The following PRKD1 variants were observed in gnomAD, a reference collection of about 807,000 sequenced individuals.
The protein encoded by PRKD1 is serine/threonine-protein kinase D1.
PRKD1 carries 63 observed loss-of-function variants against 95.9 expected under a neutral mutation model. The observed-to-expected ratio is 0.66, with a 90% confidence interval of 0.54 to 0.81. The LOEUF is 0.81. Among genes scored for constraint, PRKD1 ranks in the 30% least tolerant of loss-of-function variants. The pLI is 0.00. For synonymous variants in PRKD1, 425 were observed against 423.1 expected (o/e 1.00, Z -0.05); for missense variants, 1,048 against 1,165.3 (o/e 0.90, Z 1.47).
intron 1 of PRKD1, among the ~76,000 whole-genome samples, chr14:29,926,886 G>A (rs542456865): frequency 1.3e-5 from 2 of 152,104 alleles, no homozygotes; most frequent in South Asian, 2.1e-4. Context: ...CGCTGGTCCA[G>A]GGTCCGTAGG....
intron 3 of PRKD1, among the ~76,000 whole-genome samples, chr14:29,665,573 T>C (rs1882442475): frequency 1.3e-5 from 2 of 152,318 alleles, no homozygotes; most frequent in African/African-American, 2.4e-5. Context: ...TTCTTTTTCA[T>C]GGCTGAGTAG....
chr14:29,873,985 T>C (rs1330874131), intron 1 of PRKD1, among the ~76,000 whole-genome samples: 3 of 152,296 alleles, frequency 2.0e-5, no homozygotes, highest in South Asian at 4.1e-4. Flanking sequence ...CAAATCTATG[T>C]TGTCATTTTA....
chr14:29,842,277 T>C (rs979324264), intron 1 of PRKD1, among the ~76,000 whole-genome samples: 1 of 152,188 alleles, frequency 6.6e-6, no homozygotes, highest in Non-Finnish European at 1.5e-5. Flanking sequence ...AATATACTAG[T>C]TTATTATCAT....
intron 2 of PRKD1, among the ~76,000 whole-genome samples, chr14:29,670,342 G>C (rs1158462849): frequency 6.6e-6 from 1 of 152,144 alleles, no homozygotes; most frequent in Non-Finnish European, 1.5e-5. Context: ...ACAAAGGGTG[G>C]CTAAGTCTGT....
chr14:29,644,045 A>G (rs1880971151), intron 4 of PRKD1, among the ~76,000 whole-genome samples: 1 of 152,240 alleles, frequency 6.6e-6, no homozygotes, highest in Non-Finnish European at 1.5e-5. Flanking sequence ...AGTCCGTGAC[A>G]AACAGTAAGC....
At chr14:29,728,820 TA>T (rs1886297340) in intron 1 of PRKD1, among the ~76,000 whole-genome samples, 1 of 152,166 alleles carries the variant, frequency 6.6e-6, no homozygotes, top group African/African-American at 2.4e-5. Context: ...GGTCATATGA[TA>T]AATTCATGTT....
chr14:29,703,940 T>C lies in PRKD1; in HGVS notation c.403+21596A>G, dbSNP rs1338999898. On this transcript the variant is annotated intron_variant, in intron 2 of 17. Transcript: ENST00000331968. ...TTGTTTGTATTCTGAAGTAAAAACA[T>C]CAGAGTGGGCAAGCCAGTGCTTTCA... is the stretch of plus-strand genomic sequence containing the variant. Among the ~76,000 whole-genome samples the C allele has an allele frequency of 3.9e-5, 6 of 152,094 alleles. 1 individual carries two copies. Among genetic ancestry groups the C allele is most frequent in the African/African-American group, 1.4e-4 (6 of 41,418 alleles).
Position 29,721,623 on chromosome 14 carries a change from T to G in PRKD1, c.403+3913A>C, listed in dbSNP as rs45486401. ...ATCATGAAGAAGGCTTCAAATACAT[T>G]CCACAACCTTGATTTTACAGTTCAG... On this transcript the variant is annotated intron_variant, in intron 2 of 17. Transcript: ENST00000331968. 8.5e-4 allele frequency among the ~76,000 whole-genome samples: 129 copies of G among 152,246 alleles called. 4 individuals are homozygous for G. The East Asian group carries it at 0.015, about 18-fold the overall frequency.
chr14:29,809,912 T>G (rs1890408091), intron 1 of PRKD1, among the ~76,000 whole-genome samples: 1 of 152,198 alleles, frequency 6.6e-6, no homozygotes, highest in African/African-American at 2.4e-5. Flanking sequence ...TCATTTATAG[T>G]TTTTGATTTA....
chr14:29,607,190 A>G (rs1281292745), intron 13 of PRKD1, among the ~76,000 whole-genome samples: 1 of 152,212 alleles, frequency 6.6e-6, no homozygotes, highest in Non-Finnish European at 1.5e-5. Context: ...GAAAGTTTAC[A>G]GTAGTAAGCC....
chr14:29,670,814 G>A (rs1255323548), intron 2 of PRKD1, among the ~76,000 whole-genome samples: 1 of 152,110 alleles, frequency 6.6e-6, no homozygotes, highest in Non-Finnish European at 1.5e-5. Context: ...TGCAACCGTT[G>A]TTCAAGTTAA....
chr14:29,700,826 C>A (rs1884787920), intron 2 of PRKD1, among the ~76,000 whole-genome samples: 1 of 152,148 alleles, frequency 6.6e-6, no homozygotes, highest in Non-Finnish European at 1.5e-5. Context: ...GGGACTCCAG[C>A]TGCAAGATCA....
intron 1 of PRKD1, among the ~76,000 whole-genome samples, chr14:29,903,444 G>A (rs45622633): frequency 0.021 from 3,227 of 152,240 alleles, 62 homozygotes; most frequent in East Asian, 0.093. Flanking sequence ...TACTACTGAG[G>A]AACAACCATC....
intron 2 of PRKD1, among the ~76,000 whole-genome samples, chr14:29,705,868 A>C (rs1447760917): frequency 6.6e-6 from 1 of 152,090 alleles, no homozygotes; most frequent in Non-Finnish European, 1.5e-5. Flanking sequence ...ACCACCCCTT[A>C]GTTGATGAAC....
chr14:29,823,848 A>G (rs1353466705), intron 1 of PRKD1, among the ~76,000 whole-genome samples: 1 of 152,226 alleles, frequency 6.6e-6, no homozygotes, highest in African/African-American at 2.4e-5. Flanking sequence ...CACCTGCTGA[A>G]GTCGAAGAAA....
chr14:29,743,369 T>C (rs1352449786), intron 1 of PRKD1, among the ~76,000 whole-genome samples: 1 of 152,096 alleles, frequency 6.6e-6, no homozygotes, highest in Non-Finnish European at 1.5e-5. Context: ...AGGGTATATA[T>C]AAAAATTAAA....
intron 1 of PRKD1, among the ~76,000 whole-genome samples, chr14:29,830,968 A>T (rs1011390719): frequency 3.9e-5 from 6 of 152,170 alleles, no homozygotes; most frequent in African/African-American, 1.2e-4. Flanking sequence ...TATAGGCATG[A>T]CCCACTGCAC....
At chr14:29,578,810 T>G (rs957923247) in intron 16 of PRKD1, among the ~76,000 whole-genome samples, 4 of 152,120 alleles carry the variant, frequency 2.6e-5, no homozygotes, top group Non-Finnish European at 5.9e-5. Context: ...AGTATTGAAT[T>G]AAATGACAGA....
chr14:29,813,564 C>G (rs928815112), intron 1 of PRKD1, among the ~76,000 whole-genome samples: 2 of 152,042 alleles, frequency 1.3e-5, no homozygotes, highest in Non-Finnish European at 2.9e-5. Context: ...GAGGGTGAGG[C>G]CAAATCTGCA....
Sources: allele counts gnomAD v4.1 joint callset (sites outside exome capture counted in the v4.1 genomes callset), GRCh38; gene constraint gnomAD v4.1.1; transcripts MANE v1.5; gene names NCBI Gene and HGNC (gene_info 2026-07-23, HGNC 2026-07-21).